KLF12: variants seen among roughly 807,000 people sequenced by gnomAD.
KLF12 encodes the protein Krueppel-like factor 12.
In KLF12, 9 loss-of-function variants were observed where a neutral mutation model predicts 37.8. That is an observed-to-expected ratio of 0.24 (90% CI 0.14 to 0.42). The LOEUF (loss-of-function observed/expected upper bound fraction) is 0.42. Ranked by LOEUF, KLF12 falls within the 10% of genes least tolerant of loss-of-function variation. The pLI, the probability that KLF12 is intolerant of heterozygous loss-of-function variation, is 1.00. For missense variants in KLF12, 411 were observed against 516.0 expected (o/e 0.80, Z 1.97); for synonymous variants, 208 against 202.1 (o/e 1.03, Z -0.25).
the KLF12 span, among the ~76,000 whole-genome samples, chr13:74,163,277 C>T: frequency 6.6e-6 from 1 of 152,166 alleles, no homozygotes; most frequent in African/African-American, 2.4e-5. Context: ...GAGATATCTG[C>T]ACTCCTATAT....
chr13:74,060,496 G>GTGTGTGTGTGTGTGTGTGTC (rs1873525070), intron 1 of KLF12, among the ~76,000 whole-genome samples: 1 of 141,946 alleles, frequency 7.0e-6, no homozygotes, highest in Admixed American at 7.0e-5. Context: ...GTGTGTGTGT[G>GTGTGTGTGTGTGTGTGTGTC]TGTGTGTGTG....
chr13:73,846,948 A>T (rs1256754747), intron 3 of KLF12, among the ~76,000 whole-genome samples: 1 of 152,214 alleles, frequency 6.6e-6, no homozygotes, highest in Non-Finnish European at 1.5e-5. Context: ...TTAGGAAATA[A>T]TAATTTAAGA....
chr13:73,883,542 C>G (rs1887080769), intron 3 of KLF12, among the ~76,000 whole-genome samples: 1 of 152,182 alleles, frequency 6.6e-6, no homozygotes, highest in African/African-American at 2.4e-5. Flanking sequence ...GGGGATACTG[C>G]TGACCTGAAC....
At chr13:73,971,965 C>T (rs777535879) in intron 2 of KLF12, among the ~76,000 whole-genome samples, 4 of 152,148 alleles carry the variant, frequency 2.6e-5, no homozygotes, top group Non-Finnish European at 5.9e-5. Flanking sequence ...AATTAACCAG[C>T]TGTACAATTA....
chr13:74,148,151 A>T, the KLF12 span, among the ~76,000 whole-genome samples: 2 of 151,680 alleles, frequency 1.3e-5, no homozygotes, highest in Non-Finnish European at 2.9e-5. Context: ...TCCTAACCTG[A>T]TGATCCACCC....
intron 2 of KLF12, among the ~76,000 whole-genome samples, chr13:73,985,640 C>T (rs17061867): frequency 0.036 from 5,411 of 152,166 alleles, 204 homozygotes; most frequent in African/African-American, 0.092. Context: ...CATTGTCAAG[C>T]GGCCTTTCAT....
At chr13:74,204,954 T>C in the KLF12 span, among the ~76,000 whole-genome samples, 1 of 152,170 alleles carries the variant, frequency 6.6e-6, no homozygotes, top group South Asian at 2.1e-4. Flanking sequence ...CAGTAGCCAG[T>C]CTAAAATAAA....
the KLF12 span, among the ~76,000 whole-genome samples, chr13:74,187,580 A>G: frequency 6.6e-6 from 1 of 152,226 alleles, no homozygotes; most frequent in Non-Finnish European, 1.5e-5. Context: ...TTTAATACCC[A>G]GCATTCCATT....
chr13:74,282,187 A>G, the KLF12 span, among the ~76,000 whole-genome samples: 13 of 152,220 alleles, frequency 8.5e-5, no homozygotes, highest in African/African-American at 3.1e-4. Flanking sequence ...ATTAAATGTT[A>G]AAATAAAAGT....
In KLF12 at chr13:73,813,250, A is replaced by G. The variant is rs763347067; in HGVS notation, c.708T>C (p.Ser236=). The G allele has an allele frequency of 6.2e-7, 1 of 1,613,870 alleles. No homozygotes were observed. The highest frequency in any genetic ancestry group is 1.7e-5 in the Admixed American group (1 of 59,978). The change falls in exon 5 of 8, where the codon AGT becomes AGC. Residue 236 remains serine (S), a synonymous_variant. Coordinates refer to ENST00000377669, the MANE Select transcript of KLF12 (RefSeq NM_007249.5). ...GGTCATCATCATCACTGTCACTTTT[A>G]CTTTGTCTGGGAGATAGGCCTCGGG... is the stretch of plus-strand genomic sequence containing the variant.
intron 1 of KLF12, among the ~76,000 whole-genome samples, chr13:74,020,189 T>C (rs1892805561): frequency 6.6e-6 from 1 of 152,248 alleles, no homozygotes; most frequent in Non-Finnish European, 1.5e-5. Context: ...ATTTGGGTTT[T>C]TTTCCAATTA....
intron 5 of KLF12, among the ~76,000 whole-genome samples, chr13:73,767,078 A>G (rs2138089839): frequency 6.6e-6 from 1 of 152,368 alleles, no homozygotes; most frequent in East Asian, 1.9e-4. Context: ...CTCAAAGGGA[A>G]TAAGTACACT....
chr13:74,166,289 G>T, the KLF12 span, among the ~76,000 whole-genome samples: 1 of 151,862 alleles, frequency 6.6e-6, no homozygotes, highest in Non-Finnish European at 1.5e-5. Context: ...ACAGGGTTTT[G>T]CCATGTTGCC....
At chr13:73,738,110 T>C (rs138334109) in intron 6 of KLF12, among the ~76,000 whole-genome samples, 48 of 90,428 alleles carry the variant, frequency 5.3e-4, no homozygotes, top group African/African-American at 1.2e-3. Context: ...TATATATATA[T>C]ATATATATAT....
chr13:74,155,358 T>G, the KLF12 span, among the ~76,000 whole-genome samples: 3 of 135,482 alleles, frequency 2.2e-5, no homozygotes, highest in South Asian at 6.8e-4. Context: ...TTTCCTTTTG[T>G]TTTTGTTTTT....
the KLF12 span, among the ~76,000 whole-genome samples, chr13:74,301,022 T>C: frequency 6.6e-6 from 1 of 152,204 alleles, no homozygotes; most frequent in Non-Finnish European, 1.5e-5. Flanking sequence ...CATCAGGTTT[T>C]GGTATGTTGA....
intron 1 of KLF12, among the ~76,000 whole-genome samples, chr13:74,081,741 G>A (rs1874898867): frequency 1.3e-5 from 2 of 152,234 alleles, no homozygotes; most frequent in South Asian, 2.1e-4. Context: ...GGCATGGAAC[G>A]CCTCCTTCCA....
At chr13:74,023,944 A>G (rs1434582093) in intron 1 of KLF12, among the ~76,000 whole-genome samples, 2 of 152,184 alleles carry the variant, frequency 1.3e-5, no homozygotes, top group Non-Finnish European at 2.9e-5. Context: ...CTAAGAGATC[A>G]AAGTGCAAAG....
intron 6 of KLF12, among the ~76,000 whole-genome samples, chr13:73,716,092 T>G (rs1366362578): frequency 6.6e-6 from 1 of 152,224 alleles, no homozygotes; most frequent in Non-Finnish European, 1.5e-5. Context: ...ACCTGACATT[T>G]AACTTTTCTA....
Sources: gnomAD v4.1 joint callset for allele counts (sites outside exome capture counted in the v4.1 genomes callset) on GRCh38, gnomAD v4.1.1 for gene constraint, MANE v1.5 for transcripts, NCBI Gene and HGNC (gene_info 2026-07-23, HGNC 2026-07-21) for gene names.